Variants in VPS13B observed in about 807,000 individuals in gnomAD.
The protein encoded by VPS13B is vacuolar protein sorting 13 homolog B, also known as intermembrane lipid transfer protein VPS13B.
VPS13B carries 285 observed loss-of-function variants against 426.4 expected under a neutral mutation model. The ratio of observed to expected loss-of-function variants is 0.67; its 90% CI spans 0.61 to 0.74. The LOEUF (loss-of-function observed/expected upper bound fraction) is 0.74. Among genes scored for constraint, VPS13B ranks in the 30% least tolerant of loss-of-function variants. VPS13B has a pLI of 0.00. For synonymous variants in VPS13B, 1,676 were observed against 1,676.4 expected (o/e 1.00, Z 0.01); for missense variants, 4,537 against 4,782.6 (o/e 0.95, Z 1.51).
At chr8:99,230,333 T>C (rs1215434407) in intron 17 of VPS13B, among the ~76,000 whole-genome samples, 3 of 151,958 alleles carry the variant, frequency 2.0e-5, no homozygotes, top group Non-Finnish European at 4.4e-5. Flanking sequence ...CAGGACACAA[T>C]TGAAAGCTCC....
At chr8:99,128,342 G>C (rs568559805) in intron 8 of VPS13B, among the ~76,000 whole-genome samples, 1 of 112,080 alleles carries the variant, frequency 8.9e-6, no homozygotes, top group African/African-American at 3.4e-5. Flanking sequence ...AGCCAATATC[G>C]TGCCATTGCA....
At chr8:99,093,420 G>A (rs1172254252) in intron 3 of VPS13B, among the ~76,000 whole-genome samples, 15 of 150,960 alleles carry the variant, frequency 9.9e-5, no homozygotes, top group Admixed American at 9.9e-4. Context: ...GGGTACATGT[G>A]CACAATGTGC....
intron 21 of VPS13B, among the ~76,000 whole-genome samples, chr8:99,403,639 G>A (rs1298879293): frequency 2.6e-5 from 4 of 152,106 alleles, no homozygotes; most frequent in Admixed American, 1.3e-4. Context: ...CTATGGTCAG[G>A]AAGGTTAGGT....
At chr8:99,233,417 G>A in intron 17 of VPS13B, 1 of 1,222,238 alleles carries the variant, frequency 8.2e-7, no homozygotes, top group Non-Finnish European at 1.2e-6. Context: ...AGTCTTGCCA[G>A]CTGTTTGATG....
In VPS13B at chr8:99,038,409, T is replaced by C; in HGVS notation, c.148-14T>C. On this transcript the variant is annotated splice_polypyrimidine_tract_variant and intron_variant, in intron 2 of 61. Coordinates refer to ENST00000357162, the MANE Select transcript of VPS13B (RefSeq NM_152564.5). ...AGCACTTACTAATTTTTATGTAATG[T>C]TTTGTGTTTTAAGGAACTGAAATTA... is the stretch of plus-strand genomic sequence containing the variant. 1.3e-6 allele frequency: 2 copies of C among 1,590,212 alleles called. No individual in the cohort carries two copies. The highest frequency in any genetic ancestry group is 1.7e-6 in the Non-Finnish European group (2 of 1,164,924).
chr8:99,667,789 A>G (rs1830544603), intron 35 of VPS13B, among the ~76,000 whole-genome samples: 1 of 152,218 alleles, frequency 6.6e-6, no homozygotes, highest in Non-Finnish European at 1.5e-5. Context: ...AATGGGAATA[A>G]CAGGACACAT....
At chr8:99,749,555 T>C (rs924150019) in intron 39 of VPS13B, among the ~76,000 whole-genome samples, 3 of 152,058 alleles carry the variant, frequency 2.0e-5, no homozygotes, top group Non-Finnish European at 4.4e-5. Flanking sequence ...ATCTATGTTG[T>C]GGTAAATGAC....
chr8:99,420,869 G>T (rs1012054306), intron 21 of VPS13B, among the ~76,000 whole-genome samples: 2 of 152,162 alleles, frequency 1.3e-5, no homozygotes, highest in African/African-American at 4.8e-5. Flanking sequence ...ACAATGAGTT[G>T]ATTTTGATAG....
At chr8:99,090,668 TA>T (rs112409005) in intron 3 of VPS13B, among the ~76,000 whole-genome samples, 2 of 152,086 alleles carry the variant, frequency 1.3e-5, no homozygotes, top group Admixed American at 6.6e-5. Context: ...CTACTTTTTT[TA>T]AATTTTTTTT....
chr8:99,875,610 TTCC>T lies in VPS13B; in HGVS notation c.11940_11942del (p.Leu3981del). 6.2e-7 allele frequency: 1 copy of T among 1,614,208 alleles called. No homozygotes were observed. Among genetic ancestry groups the T allele is most frequent in the Non-Finnish European group, 8.5e-7 (1 of 1,180,032 alleles). ...GGTTGATCCACATTTTGCTCAGGTC[TTCC>T]TTAGTAAATTTACCATGGTGAAAAA... On this transcript the variant is annotated inframe_deletion, in exon 62 of 62. Coordinates refer to ENST00000357162, the MANE Select transcript of VPS13B (RefSeq NM_152564.5).
chr8:99,668,178 A>G (rs768925726), intron 35 of VPS13B, among the ~76,000 whole-genome samples: 4 of 151,996 alleles, frequency 2.6e-5, no homozygotes, highest in Non-Finnish European at 5.9e-5. Context: ...AATGAAGGGT[A>G]TAGTAACAAT....
intron 3 of VPS13B, among the ~76,000 whole-genome samples, chr8:99,095,787 C>G (rs1211026040): frequency 6.6e-6 from 1 of 152,054 alleles, no homozygotes; most frequent in Non-Finnish European, 1.5e-5. Context: ...CCAGTTAAAA[C>G]TTATACCTAA....
At chr8:99,770,475 A>G (rs528244969) in intron 40 of VPS13B, among the ~76,000 whole-genome samples, 1 of 152,312 alleles carries the variant, frequency 6.6e-6, no homozygotes, top group Admixed American at 6.5e-5. Flanking sequence ...AACAGATGGC[A>G]ACTCAGACTG....
intron 23 of VPS13B, among the ~76,000 whole-genome samples, chr8:99,450,215 A>G (rs916127333): frequency 6.6e-6 from 1 of 152,224 alleles, no homozygotes; most frequent in African/African-American, 2.4e-5. Flanking sequence ...GACAGGAGAA[A>G]AAGGATGGTT....
intron 10 of VPS13B, among the ~76,000 whole-genome samples, 180 bp downstream of exon 10, chr8:99,135,317 A>C (rs1236470060): frequency 2.0e-5 from 3 of 152,074 alleles, no homozygotes; most frequent in African/African-American, 7.2e-5. Flanking sequence ...AAGTTTAGAA[A>C]GTTGGTAGCG....
chr8:99,422,098 T>C (rs1816408729), intron 21 of VPS13B, among the ~76,000 whole-genome samples: 1 of 152,200 alleles, frequency 6.6e-6, no homozygotes. Flanking sequence ...TTTTATGTAG[T>C]AGACCTGTCT....
intron 54 of VPS13B, among the ~76,000 whole-genome samples, 169 bp from the exon 55 acceptor site, chr8:99,848,607 T>C (rs901967435): frequency 3.3e-5 from 5 of 152,174 alleles, no homozygotes; most frequent in African/African-American, 1.2e-4. Context: ...ATCTTTTGGG[T>C]ATTTTTTTTC....
chr8:99,722,474 T>C (rs1359007795), intron 39 of VPS13B, among the ~76,000 whole-genome samples: 7 of 152,096 alleles, frequency 4.6e-5, no homozygotes, highest in African/African-American at 1.7e-4. Flanking sequence ...CAGCTACATA[T>C]TAATATAAGT....
intron 3 of VPS13B, among the ~76,000 whole-genome samples, chr8:99,044,145 G>A (rs543791374): frequency 1.1e-3 from 154 of 139,306 alleles, no homozygotes; most frequent in African/African-American, 3.9e-3. Context: ...GTGCAGGGGC[G>A]CGATCTCGGC....
Sources: allele counts gnomAD v4.1 joint callset (sites outside exome capture counted in the v4.1 genomes callset), GRCh38; gene constraint gnomAD v4.1.1; transcripts MANE v1.5; gene names NCBI Gene and HGNC (gene_info 2026-07-23, HGNC 2026-07-21).